PDE3A: variants seen among roughly 807,000 people sequenced by gnomAD.
The protein encoded by PDE3A is phosphodiesterase 3A.
Under a neutral mutation model 98.3 loss-of-function variants are expected in PDE3A, and 43 were observed. The ratio of observed to expected loss-of-function variants is 0.44; its 90% CI spans 0.34 to 0.56. The LOEUF (loss-of-function observed/expected upper bound fraction) is 0.56. Among genes scored for constraint, PDE3A ranks in the 20% least tolerant of loss-of-function variants. The probability of loss-of-function intolerance (pLI) is 0.01; values close to 1 mark genes in which losing one functional copy is unlikely to be tolerated. For missense variants in PDE3A, 1,427 were observed against 1,440.7 expected, an observed-to-expected ratio of 0.99 and a Z score of 0.15; for synonymous variants, 663 against 567.9, an observed-to-expected ratio of 1.17 and a Z score of -2.38.
chr12:20,505,711 A>G (rs1946105164), intron 1 of PDE3A, among the ~76,000 whole-genome samples: 1 of 152,226 alleles, frequency 6.6e-6, no homozygotes, highest in South Asian at 2.1e-4. Context: ...TTCTTTCCAT[A>G]GTTCTGTTAC....
intron 2 of PDE3A, among the ~76,000 whole-genome samples, chr12:20,568,909 C>T (rs1209487724): frequency 1.3e-5 from 2 of 151,814 alleles, no homozygotes; most frequent in Non-Finnish European, 2.9e-5. Flanking sequence ...AAGAGACAAG[C>T]AAAATTGGTT....
intron 2 of PDE3A, among the ~76,000 whole-genome samples, chr12:20,589,538 A>C (rs1943274626): frequency 2.0e-5 from 3 of 152,102 alleles, no homozygotes; most frequent in Non-Finnish European, 4.4e-5. Context: ...CAAGTATACC[A>C]AGAGCTTTGG....
chr12:20,638,734 A>T (rs4762976), intron 9 of PDE3A, among the ~76,000 whole-genome samples: 38,700 of 151,962 alleles, frequency 0.25, 5,054 homozygotes, highest in Non-Finnish European at 0.28. Context: ...TTCTCTCTTG[A>T]TTTTATTTTT....
At chr12:20,407,290 A>T (rs1052791323) in intron 1 of PDE3A, among the ~76,000 whole-genome samples, 1 of 152,246 alleles carries the variant, frequency 6.6e-6, no homozygotes, top group Non-Finnish European at 1.5e-5. Context: ...AGTGCCAAAC[A>T]TATAGCAGGT....
rs555107042 is a variant in PDE3A, at chr12:20,503,254, A to G, written c.961-53406A>G. ...CTAGTTTAGAATACTAGATAATACT[A>G]ATATGAAATTTGGTTTCTATACTAG... On this transcript the variant is annotated intron_variant, in intron 1 of 15. Transcript: ENST00000359062. 2.6e-5 allele frequency among the ~76,000 whole-genome samples: 4 copies of G among 152,178 alleles called. No homozygotes were observed. In the East Asian group the frequency reaches 5.8e-4, roughly 22 times the overall value.
chr12:20,601,318 T>C (rs746089701), intron 2 of PDE3A, among the ~76,000 whole-genome samples: 5 of 152,118 alleles, frequency 3.3e-5, no homozygotes, highest in Non-Finnish European at 7.4e-5. Flanking sequence ...AATATCCCAA[T>C]AGGCATTAAC....
chr12:20,546,776 G>C (rs1942071573), intron 1 of PDE3A, among the ~76,000 whole-genome samples: 1 of 151,956 alleles, frequency 6.6e-6, no homozygotes, highest in African/African-American at 2.4e-5. Flanking sequence ...ACTAATATAA[G>C]GGTGTCTTTG....
At chr12:20,658,243 A>T (rs1418422120) in intron 15 of PDE3A, among the ~76,000 whole-genome samples, 1 of 152,232 alleles carries the variant, frequency 6.6e-6, no homozygotes, top group East Asian at 1.9e-4. Flanking sequence ...AAGAATTGAT[A>T]TAAGGGGTCT....
At chr12:20,659,241 A>G (rs1175524017) in intron 15 of PDE3A, among the ~76,000 whole-genome samples, 1 of 152,052 alleles carries the variant, frequency 6.6e-6, no homozygotes, top group African/African-American at 2.4e-5. Context: ...CTGTGTCTAT[A>G]TGGTTCAAAA....
At chr12:20,506,515 G>A (rs573913620) in intron 1 of PDE3A, among the ~76,000 whole-genome samples, 1 of 152,114 alleles carries the variant, frequency 6.6e-6, no homozygotes, top group South Asian at 2.1e-4. Context: ...AGAATTTTTT[G>A]TCATAACATG....
intron 5 of PDE3A, among the ~76,000 whole-genome samples, chr12:20,629,430 T>C (rs1944332974): frequency 6.6e-6 from 1 of 152,242 alleles, no homozygotes; most frequent in Non-Finnish European, 1.5e-5. Flanking sequence ...GTAATGCATC[T>C]TCTGTATTTA....
intron 2 of PDE3A, among the ~76,000 whole-genome samples, chr12:20,609,398 T>C (rs1943793160): frequency 6.6e-6 from 1 of 151,958 alleles, no homozygotes; most frequent in Admixed American, 6.6e-5. Context: ...AAAACACTGA[T>C]GAAAAGAATT....
At chr12:20,447,258 G>A (rs530032432) in intron 1 of PDE3A, among the ~76,000 whole-genome samples, 1 of 152,308 alleles carries the variant, frequency 6.6e-6, no homozygotes, top group African/African-American at 2.4e-5. Context: ...TGCTAATTGT[G>A]ATATTGTAAA....
intron 1 of PDE3A, among the ~76,000 whole-genome samples, chr12:20,449,236 G>A (rs1051382502): frequency 2.6e-5 from 4 of 152,120 alleles, no homozygotes; most frequent in South Asian, 2.1e-4. Flanking sequence ...TTTTCTCCTC[G>A]TGATTCTGCC....
At chr12:20,676,536 G>C (rs1335878161) in intron 15 of PDE3A, among the ~76,000 whole-genome samples, 2 of 115,554 alleles carry the variant, frequency 1.7e-5, no homozygotes, top group African/African-American at 6.7e-5. Context: ...GTCTCGCTCT[G>C]TCCCCCATGC....
At chr12:20,403,846 T>C (rs75879278) in intron 1 of PDE3A, among the ~76,000 whole-genome samples, 4,227 of 152,164 alleles carry the variant, frequency 0.028, 93 homozygotes, top group Admixed American at 0.061. Context: ...GAAATTTAGT[T>C]ATATATAATA....
chr12:20,449,661 CT>C, intron 1 of PDE3A: 1 of 434,782 alleles, frequency 2.3e-6, no homozygotes, highest in Non-Finnish European at 4.3e-6. Flanking sequence ...GCTTTTCCCC[CT>C]ATTTCTCTGT....
chr12:20,433,717 G>A (rs1358868412), intron 1 of PDE3A, among the ~76,000 whole-genome samples: 2 of 152,124 alleles, frequency 1.3e-5, no homozygotes, highest in South Asian at 2.1e-4. Flanking sequence ...GGAAGAGCAT[G>A]TACTGCTGGA....
chr12:20,502,216 G>T (rs1228499508), intron 1 of PDE3A, among the ~76,000 whole-genome samples: 1 of 152,060 alleles, frequency 6.6e-6, no homozygotes, highest in Admixed American at 6.6e-5. Flanking sequence ...AGATTAGCAG[G>T]TCTAGGAAAG....
Sources: gnomAD v4.1 joint callset for allele counts (sites outside exome capture counted in the v4.1 genomes callset) on GRCh38, gnomAD v4.1.1 for gene constraint, MANE v1.5 for transcripts, NCBI Gene and HGNC (gene_info 2026-07-23, HGNC 2026-07-21) for gene names.